ERC1: variants seen among roughly 807,000 people sequenced by gnomAD.
The protein encoded by ERC1 is ELKS/RAB6-interacting/CAST family member 1.
ERC1 carries 56 observed loss-of-function variants against 132.0 expected under a neutral mutation model. The ratio of observed to expected loss-of-function variants is 0.42; its 90% confidence interval spans 0.34 to 0.53. The LOEUF is 0.53. Among genes scored for constraint, ERC1 ranks in the 20% least tolerant of loss-of-function variants. ERC1 has a pLI of 0.03. For synonymous variants in ERC1, 478 were observed against 476.1 expected (o/e 1.00, Z -0.05); for missense variants, 1,202 against 1,349.9 (o/e 0.89, Z 1.72).
chr12:1,290,908 A>G (rs2079405086), intron 15 of ERC1, among the ~76,000 whole-genome samples: 2 of 152,132 alleles, frequency 1.3e-5, no homozygotes, highest in South Asian at 4.2e-4. Flanking sequence ...GCAGCCTTTC[A>G]CTGTCAGTTC....
At chr12:1,433,519 G>A (rs1178021346) in intron 17 of ERC1, among the ~76,000 whole-genome samples, 2 of 152,136 alleles carry the variant, frequency 1.3e-5, no homozygotes, top group Non-Finnish European at 1.5e-5. Flanking sequence ...ACAGGTTGTC[G>A]GAGGCACACA....
chr12:1,438,794 T>C (rs2093014955), intron 17 of ERC1, among the ~76,000 whole-genome samples: 1 of 151,862 alleles, frequency 6.6e-6, no homozygotes, highest in African/African-American at 2.4e-5. Flanking sequence ...ATTTAAAAAA[T>C]TAGCCGGGTA....
At chr12:1,103,669 G>A (rs1420843138) in intron 3 of ERC1, among the ~76,000 whole-genome samples, 1 of 152,154 alleles carries the variant, frequency 6.6e-6, no homozygotes, top group Non-Finnish European at 1.5e-5. Context: ...TCATAGGTTT[G>A]TGGCCTGAGT....
intron 16 of ERC1, chr12:1,380,600 G>A (rs1024252678): frequency 2.6e-5 from 4 of 152,260 alleles, no homozygotes; most frequent in Admixed American, 2.0e-4. Flanking sequence ...CCTTCCGGCA[G>A]TAGCACTACG....
chr12:1,105,461 C>G (rs1490295164), intron 4 of ERC1, among the ~76,000 whole-genome samples: 1 of 152,040 alleles, frequency 6.6e-6, no homozygotes, highest in East Asian at 1.9e-4. Flanking sequence ...GGGTTCACGC[C>G]ATTCTCCTGC....
intron 12 of ERC1, among the ~76,000 whole-genome samples, chr12:1,220,982 C>G (rs918906195): frequency 2.6e-5 from 4 of 152,176 alleles, no homozygotes; most frequent in Non-Finnish European, 4.4e-5. Flanking sequence ...GGAGCCTTTC[C>G]TGAGCACTTA....
At chr12:1,318,491 A>G (rs1014260903) in intron 15 of ERC1, among the ~76,000 whole-genome samples, 2 of 152,254 alleles carry the variant, frequency 1.3e-5, no homozygotes, top group African/African-American at 4.8e-5. Context: ...GTACAGTGGT[A>G]CAGTGTGCAT....
At chr12:1,215,580 T>C (rs915843597) in intron 12 of ERC1, among the ~76,000 whole-genome samples, 1 of 152,198 alleles carries the variant, frequency 6.6e-6, no homozygotes, top group Non-Finnish European at 1.5e-5. Context: ...TACTATATTA[T>C]ACTATCATCT....
intron 15 of ERC1, among the ~76,000 whole-genome samples, chr12:1,341,646 C>G (rs2083905537): frequency 7.0e-6 from 1 of 143,050 alleles, no homozygotes; most frequent in Non-Finnish European, 1.5e-5. Flanking sequence ...GAATATCACA[C>G]ACTGGGGCCT....
chr12:1,159,584 T>C (rs977804769), intron 8 of ERC1, among the ~76,000 whole-genome samples: 2 of 152,244 alleles, frequency 1.3e-5, no homozygotes, highest in African/African-American at 2.4e-5. Flanking sequence ...AGATCTTTTT[T>C]CTGCATGATA....
At chr12:1,300,747 A>G (rs1411883825) in intron 15 of ERC1, among the ~76,000 whole-genome samples, 5 of 152,184 alleles carry the variant, frequency 3.3e-5, no homozygotes, top group Non-Finnish European at 5.9e-5. Context: ...CAAAACCACA[A>G]TGAGATACCA....
chr12:1,178,250 G>T lies in ERC1; in HGVS notation c.1738-2290G>T, dbSNP rs183425561. ...AATGTAAGAAACTACCTGACAATTG[G>T]ATCCAGGATTGTTTTGTAATTCCGT... On this transcript the variant is annotated intron_variant, in intron 8 of 18. Transcript: ENST00000360905. 1.8e-3 allele frequency among the ~76,000 whole-genome samples: 280 copies of T among 152,190 alleles called. 1 individual carries two copies. The highest frequency in any genetic ancestry group is 4.7e-3 in the African/African-American group (194 of 41,502).
intron 2 of ERC1, among the ~76,000 whole-genome samples, chr12:1,037,414 A>G (rs960721204): frequency 1.3e-5 from 2 of 152,186 alleles, no homozygotes; most frequent in Non-Finnish European, 2.9e-5. Context: ...AGTTACATTA[A>G]TGTTAATCAG....
At chr12:1,067,679 A>G (rs953570702) in intron 2 of ERC1, among the ~76,000 whole-genome samples, 13 of 152,104 alleles carry the variant, frequency 8.5e-5, no homozygotes, top group African/African-American at 1.9e-4. Context: ...AAGGATCACT[A>G]TTTATTCAGC....
intron 15 of ERC1, among the ~76,000 whole-genome samples, chr12:1,327,605 C>G (rs1262990983): frequency 1.3e-5 from 2 of 152,118 alleles, no homozygotes; most frequent in African/African-American, 4.8e-5. Flanking sequence ...ACTTTTAGCT[C>G]CCTTCTCTTC....
intron 2 of ERC1, among the ~76,000 whole-genome samples, chr12:1,035,705 G>A (rs1055854526): frequency 6.6e-6 from 1 of 152,000 alleles, no homozygotes; most frequent in Non-Finnish European, 1.5e-5. Context: ...GGCGGATCAC[G>A]AGGTCAGGAG....
chr12:1,235,078 A>C (rs1858763235), intron 12 of ERC1, among the ~76,000 whole-genome samples: 1 of 152,236 alleles, frequency 6.6e-6, no homozygotes, highest in South Asian at 2.1e-4. Flanking sequence ...GAAACAATTA[A>C]AAGTTTTAGG....
chr12:1,266,329 A>G (rs528212356), intron 14 of ERC1, among the ~76,000 whole-genome samples: 1 of 150,952 alleles, frequency 6.6e-6, no homozygotes, highest in African/African-American at 2.4e-5. Context: ...CTGAAGCCTT[A>G]CAACCTTCAT....
At position 1,218,925 on chromosome 12, in the gene ERC1, G is replaced by A. The variant is rs141437363; in HGVS notation, c.2352-17844G>A. Among the ~76,000 whole-genome samples the A allele has an allele frequency of 3.1e-3, 477 of 151,668 alleles. 5 individuals are homozygous for A. Among genetic ancestry groups the A allele is most frequent in the African/African-American group, 0.011 (456 of 41,330 alleles). ...TCTCACTCTGTCGCCCAGGCTGGAG[G>A]GTAATGGTGCCATCTCAGCTCACTG... On this transcript the variant is annotated intron_variant, in intron 12 of 18. Transcript: ENST00000360905.
Sources: allele counts gnomAD v4.1 joint callset (sites outside exome capture counted in the v4.1 genomes callset), GRCh38; gene constraint gnomAD v4.1.1; transcripts MANE v1.5; gene names NCBI Gene and HGNC (gene_info 2026-07-23, HGNC 2026-07-21).